GRM1: variants seen among roughly 807,000 people sequenced by gnomAD.
GRM1 encodes the protein glutamate metabotropic receptor 1.
In GRM1, 33 loss-of-function variants were observed where a neutral mutation model predicts 90.9. The observed-to-expected ratio is 0.36, with a 90% CI of 0.28 to 0.49. The LOEUF (loss-of-function observed/expected upper bound fraction) is 0.49, where lower values mean the gene tolerates loss of function less well. Among genes scored for constraint, GRM1 ranks in the 20% least tolerant of loss-of-function variants. GRM1 has a pLI of 0.99. For synonymous variants in GRM1, 700 were observed against 613.2 expected (o/e 1.14, Z -2.09); for missense variants, 1,190 against 1,534.3 (o/e 0.78, Z 3.75).
intron 1 of GRM1, among the ~76,000 whole-genome samples, chr6:146,124,526 T>C (rs1776123037): frequency 6.6e-6 from 1 of 152,156 alleles, no homozygotes; most frequent in Non-Finnish European, 1.5e-5. Flanking sequence ...GCTTATAATA[T>C]TTATATCTGT....
Position 146,408,061 on chromosome 6 carries a change from A to G in GRM1, c.2660+8362A>G, listed in dbSNP as rs951690953. Among the ~76,000 whole-genome samples, 2 of 152,136 alleles carry G rather than the reference A, an allele frequency of 1.3e-5. 1 individual carries two copies. Among genetic ancestry groups the G allele is most frequent in the Admixed American group, 1.3e-4 (2 of 15,268 alleles). ...AGTTCTGGAGGCTGAGAAGTCCTAG[A>G]TTAGGGTGCTAGCAGGTGAGGTCCT... On this transcript the variant is annotated intron_variant, in intron 7 of 7. Coordinates refer to ENST00000282753, the MANE Select transcript of GRM1 (RefSeq NM_001278064.2).
intron 2 of GRM1, among the ~76,000 whole-genome samples, chr6:146,230,106 T>C (rs1780392791): frequency 6.6e-6 from 1 of 152,214 alleles, no homozygotes; most frequent in Admixed American, 6.5e-5. Flanking sequence ...ATTATTGGCA[T>C]TGCAAGACTG....
At chr6:146,414,661 C>T (rs1014630754) in intron 7 of GRM1, among the ~76,000 whole-genome samples, 7 of 152,208 alleles carry the variant, frequency 4.6e-5, no homozygotes, top group African/African-American at 7.2e-5. Flanking sequence ...CTCGGCCTCC[C>T]GAAGTGCTGG....
chr6:146,286,443 A>G (rs1782769339), intron 2 of GRM1, among the ~76,000 whole-genome samples: 1 of 152,216 alleles, frequency 6.6e-6, no homozygotes, highest in Non-Finnish European at 1.5e-5. Context: ...ATTAGATTAG[A>G]TTGGATTTAG....
chr6:146,151,990 A>C (rs754197730), intron 1 of GRM1, among the ~76,000 whole-genome samples: 1 of 152,134 alleles, frequency 6.6e-6, no homozygotes, highest in Non-Finnish European at 1.5e-5. Context: ...ATTTTTCAAC[A>C]TATTAAATTG....
At chr6:146,299,768 C>T (rs1297694466) in intron 2 of GRM1, among the ~76,000 whole-genome samples, 1 of 152,112 alleles carries the variant, frequency 6.6e-6, no homozygotes, top group African/African-American at 2.4e-5. Flanking sequence ...AGCATTTGCC[C>T]TGTAAACCCT....
At chr6:146,352,195 G>A in intron 3 of GRM1, 55 bp from the exon 4 acceptor site, 1 of 1,585,642 alleles carries the variant, frequency 6.3e-7, no homozygotes, top group Non-Finnish European at 8.7e-7. Context: ...ATTAAACCTG[G>A]GAGCCTAGTC....
intron 2 of GRM1, among the ~76,000 whole-genome samples, chr6:146,261,413 A>G (rs931691600): frequency 1.3e-5 from 2 of 152,112 alleles, no homozygotes; most frequent in Admixed American, 1.3e-4. Context: ...AGTGAAGGGA[A>G]GGAACTGTTT....
rs776534181 is a variant in GRM1, at chr6:146,085,674, G to T, written c.700+55457G>T. 1.4e-4 allele frequency among the ~76,000 whole-genome samples: 21 copies of T among 151,924 alleles called. No homozygotes were observed. In the East Asian group the frequency reaches 3.1e-3, roughly 22 times the overall value. On this transcript the variant is annotated intron_variant, in intron 1 of 7. Coordinates refer to ENST00000282753, the MANE Select transcript of GRM1 (RefSeq NM_001278064.2). ...TCTTCTATATTTCATAAAAAGAGGAGAAAAACTTTGCTACTTAATCGACTG... is the reference window on the plus strand; with the variant it reads ...TCTTCTATATTTCATAAAAAGAGGATAAAAACTTTGCTACTTAATCGACTG...
intron 3 of GRM1, among the ~76,000 whole-genome samples, chr6:146,320,422 T>G (rs1041849247): frequency 6.6e-5 from 10 of 152,154 alleles, no homozygotes; most frequent in African/African-American, 2.2e-4. Flanking sequence ...TGGCCTGAAA[T>G]TTTCTTTTTT....
At chr6:146,324,138 G>A (rs529155485) in intron 3 of GRM1, among the ~76,000 whole-genome samples, 11 of 152,294 alleles carry the variant, frequency 7.2e-5, no homozygotes, top group African/African-American at 1.2e-4. Flanking sequence ...GCGGCTTTGC[G>A]GAGCTGCGGT....
At chr6:146,115,161 C>A (rs1022003388) in intron 1 of GRM1, among the ~76,000 whole-genome samples, 3 of 151,676 alleles carry the variant, frequency 2.0e-5, no homozygotes, top group Non-Finnish European at 4.4e-5. Flanking sequence ...CTCTATAGTT[C>A]AATTTCCTCA....
chr6:146,331,946 C>G (rs573661173), intron 3 of GRM1, among the ~76,000 whole-genome samples: 1 of 152,008 alleles, frequency 6.6e-6, no homozygotes, highest in South Asian at 2.1e-4. Context: ...TTTGGGAATC[C>G]GAAAGAATCA....
At chr6:146,332,506 T>C (rs962168826) in intron 3 of GRM1, among the ~76,000 whole-genome samples, 7 of 152,180 alleles carry the variant, frequency 4.6e-5, no homozygotes, top group African/African-American at 1.2e-4. Flanking sequence ...ATGGACGCAG[T>C]CCCTCCTGTG....
At chr6:146,429,383 T>C (rs1312039145) in intron 7 of GRM1, among the ~76,000 whole-genome samples, 1 of 152,222 alleles carries the variant, frequency 6.6e-6, no homozygotes, top group African/African-American at 2.4e-5. Flanking sequence ...ATTCTAAATA[T>C]GCAGATTTTT....
chr6:146,184,994 A>G (rs1778677956), intron 2 of GRM1, among the ~76,000 whole-genome samples: 1 of 152,234 alleles, frequency 6.6e-6, no homozygotes, highest in South Asian at 2.1e-4. Flanking sequence ...ATTCTCCAGT[A>G]AAATGTTAGT....
intron 1 of GRM1, among the ~76,000 whole-genome samples, chr6:146,047,744 G>A (rs994220244): frequency 2.0e-5 from 3 of 151,904 alleles, no homozygotes; most frequent in African/African-American, 7.2e-5. Context: ...ATTTCTCCAT[G>A]GCATTTATCT....
chr6:146,367,948 A>T (rs983029150), intron 5 of GRM1, among the ~76,000 whole-genome samples: 1 of 151,616 alleles, frequency 6.6e-6, no homozygotes, highest in African/African-American at 2.4e-5. Flanking sequence ...TCTGTAGATC[A>T]CTTTGGGTAG....
chr6:146,253,692 C>T (rs1249071037), intron 2 of GRM1, among the ~76,000 whole-genome samples: 2 of 152,134 alleles, frequency 1.3e-5, no homozygotes, highest in East Asian at 1.9e-4. Flanking sequence ...AAAATCTCGA[C>T]TCCTGAACTT....
Sources: gnomAD v4.1 joint callset for allele counts (sites outside exome capture counted in the v4.1 genomes callset) on GRCh38, gnomAD v4.1.1 for gene constraint, MANE v1.5 for transcripts, NCBI Gene and HGNC (gene_info 2026-07-23, HGNC 2026-07-21) for gene names.